ZNF276: variants seen among roughly 807,000 people sequenced by gnomAD.
ZNF276 encodes zinc finger protein 276.
ZNF276 carries 59 observed loss-of-function variants against 63.9 expected under a neutral mutation model. The observed-to-expected ratio is 0.92, with a 90% CI of 0.75 to 1.15. The LOEUF (loss-of-function observed/expected upper bound fraction) is 1.15. Among genes scored for constraint, ZNF276 ranks in the 50% most tolerant of loss-of-function variants. The pLI is 0.00. For synonymous variants in ZNF276, 496 were observed against 348.4 expected (o/e 1.42, Z -4.72); for missense variants, 1,084 against 843.8 (o/e 1.28, Z -3.53).
chr16:89,729,181 G>A, intron 5 of ZNF276, 54 bp from the exon 6 acceptor site: 2 of 1,501,730 alleles, frequency 1.3e-6, no homozygotes, highest in Non-Finnish European at 9.3e-7. Context: ...GTCGTGTTGG[G>A]TCTGTCACTG....
rs200564210 is a variant in ZNF276 at position 89,733,909 on chromosome 16, T to A, written c.1357-12T>A. ...GCGGCTCTGAGGGTCTCTCACCGAG[T>A]CTCTCCTTCAGAAGCACATCAAGGA... On this transcript the variant is annotated splice_polypyrimidine_tract_variant and intron_variant, in intron 8 of 10. Transcript: ENST00000443381. 1.2e-6 allele frequency: 2 copies of A among 1,611,708 alleles called. No homozygotes were observed. The highest frequency in any genetic ancestry group is 2.7e-5 in the African/African-American group (2 of 74,716).
At chr16:89,729,115 T>G in intron 5 of ZNF276, 120 bp from the exon 6 acceptor site, 1 of 812,184 alleles carries the variant, frequency 1.2e-6, no homozygotes. Flanking sequence ...TTAAGACATT[T>G]TCAGAAGAAC....
At position 89,739,417 on chromosome 16, in the gene ZNF276, T is replaced by G; in HGVS notation, c.*1171T>G. ...CTTCCCATCTGGCGGGACCCAGAGG[T>G]GCTGAGATGGGGGTCTGGGAAACAC... On this transcript the variant is annotated 3_prime_UTR_variant, in exon 11 of 11. Coordinates refer to ENST00000443381, the MANE Select transcript of ZNF276 (RefSeq NM_001113525.2). 3 of 1,554,878 alleles carry G rather than the reference T, an allele frequency of 1.9e-6. No homozygotes were observed. In the Admixed American group the frequency reaches 5.8e-5, roughly 30 times the overall value.
Position 89,729,238 on chromosome 16 carries a change from C to T in ZNF276, c.1089C>T (p.Asp363=), listed in dbSNP as rs377108755. 44 of 1,613,758 alleles carry T rather than the reference C, an allele frequency of 2.7e-5. No homozygotes were observed. Among genetic ancestry groups the T allele is most frequent in the Middle Eastern group, 1.6e-4 (1 of 6,084 alleles). The part of the protein sequence containing the change: ...KDEFSDLSEG[D]VLSEDENDKK... Reference sequence around the variant, plus strand: ...AAGATTCTCTCTTAATTCCTAGAGACGTCTTGAGTGAAGATGAAAATGACA... The same window carrying T: ...AAGATTCTCTCTTAATTCCTAGAGATGTCTTGAGTGAAGATGAAAATGACA... Residue 363 remains aspartate (D), a synonymous_variant, in exon 6 of 11, where the codon GAC becomes GAT. Coordinates refer to ENST00000443381, the MANE Select transcript of ZNF276 (RefSeq NM_001113525.2).
Position 89,739,102 on chromosome 16 carries a change from C to T in ZNF276, c.*856C>T. The stretch of plus-strand genomic sequence containing the variant: ...AGGAGCCTCCGGCTGGGGGGAGCTC[C>T]CCTGGAGGTGGGACTGGCCCTTGCA... On this transcript the variant is annotated 3_prime_UTR_variant, in exon 11 of 11. Transcript: ENST00000443381. The T allele has an allele frequency of 6.2e-7, 1 of 1,613,958 alleles. No homozygotes were observed. The highest frequency in any genetic ancestry group is 8.5e-7 in the Non-Finnish European group (1 of 1,179,932).
At chr16:89,730,472 G>A (rs572728755) in intron 6 of ZNF276, among the ~76,000 whole-genome samples, 12 of 152,270 alleles carry the variant, frequency 7.9e-5, no homozygotes, top group South Asian at 6.2e-4. Context: ...AGCCTTTTCC[G>A]GATCGAGGCA....
intron 9 of ZNF276, among the ~76,000 whole-genome samples, chr16:89,734,499 T>TA (rs1373433023): frequency 6.6e-6 from 1 of 152,110 alleles, no homozygotes; most frequent in African/African-American, 2.4e-5. Context: ...CTAATTTTTG[T>TA]AATTTTTGGT....
In ZNF276 at chr16:89,738,006, G is replaced by A. The variant is rs759685733; in HGVS notation, c.1605G>A (p.Gln535=). 1.9e-6 allele frequency: 3 copies of A among 1,614,168 alleles called. No individual in the cohort carries two copies. The Admixed American group carries it at 5.0e-5, about 27-fold the overall frequency. ...QCEVCGFQCR[Q]RASLKYHMTK... is the part of the protein sequence containing the mutation. The stretch of plus-strand genomic sequence containing the variant: ...AGGTCTGTGGGTTCCAGTGCAGGCA[G>A]CGGGCATCCCTCAAGTACCACATGA... The change falls in exon 11 of 11, where the codon CAG becomes CAA. Residue 535 remains glutamine, a synonymous_variant. Transcript: ENST00000443381.
In ZNF276 at chr16:89,733,957, C is replaced by T. The variant is rs764775504; in HGVS notation, c.1393C>T (p.Arg465Trp). ...IKEHHEEVRERPCPHPGCNKV... is the reference protein window; with the variant it reads ...IKEHHEEVREWPCPHPGCNKV... The stretch of plus-strand genomic sequence containing the variant: ...GGAGCACCACGAGGAGGTCCGGGAG[C>T]GGCCCTGCCCCCACCCTGGCTGCAA... Residue 465 changes from arginine to tryptophan, a missense_variant, in exon 9 of 11, where the codon CGG (arginine) becomes TGG (tryptophan). Arg to Trp is a moderately radical substitution (Grantham distance 101). Transcript: ENST00000443381. 19 of 1,613,968 alleles carry T rather than the reference C, an allele frequency of 1.2e-5. No individual in the cohort carries two copies. The highest frequency in any genetic ancestry group is 1.3e-5 in the Non-Finnish European group (15 of 1,179,994).
intron 5 of ZNF276, among the ~76,000 whole-genome samples, chr16:89,728,376 C>T (rs1238065056): frequency 6.6e-6 from 1 of 151,976 alleles, no homozygotes; most frequent in Non-Finnish European, 1.5e-5. Flanking sequence ...AGGCGCCCGC[C>T]ACCACACCCA....
At position 89,723,470 on chromosome 16, in the gene ZNF276, C is replaced by T. The variant is rs1470344815; in HGVS notation, c.767C>T (p.Ala256Val). 4 of 1,612,880 alleles carry T rather than the reference C, an allele frequency of 2.5e-6. No individual in the cohort carries two copies. Among genetic ancestry groups the T allele is most frequent in the East Asian group, 2.2e-5 (1 of 44,898 alleles). Residue 256 changes from alanine to valine, a missense_variant, in exon 4 of 11, where the codon GCG becomes GTG. By Grantham distance (64) the Ala-to-Val change is moderately conservative. Transcript: ENST00000443381. ...SSCKAFLLDS[A>V]LAVKWPWDKE... Reference sequence around the variant, plus strand: ...TGCAAGGCCTTCTTGCTGGACAGTGCGCTGGCAGTCAAGTGGCCATGGGAC... The same window carrying T: ...TGCAAGGCCTTCTTGCTGGACAGTGTGCTGGCAGTCAAGTGGCCATGGGAC...
chr16:89,738,360 T>G lies in ZNF276; in HGVS notation c.*114T>G. Reference sequence around the variant, plus strand: ...GTCGGAGGGTGCTGCCCGCCCTTGGTGCTGGAGGCGGGCTTGGTGTCCGGC... The same window carrying G: ...GTCGGAGGGTGCTGCCCGCCCTTGGGGCTGGAGGCGGGCTTGGTGTCCGGC... On this transcript the variant is annotated 3_prime_UTR_variant, in exon 11 of 11. Coordinates refer to ENST00000443381, the MANE Select transcript of ZNF276 (RefSeq NM_001113525.2). The G allele has an allele frequency of 6.8e-7, 1 of 1,461,818 alleles. No homozygotes were observed. Among genetic ancestry groups the G allele is most frequent in the Non-Finnish European group, 9.1e-7 (1 of 1,097,860 alleles). The allele number at this position is 1,461,818 out of a possible 1,614,324, so 90.6% of individuals were successfully genotyped here.
At position 89,727,546 on chromosome 16, in the gene ZNF276, G is replaced by A. The variant is rs182583096; in HGVS notation, c.1085+189G>A. Among the ~76,000 whole-genome samples, 184 of 152,274 alleles carry A rather than the reference G, an allele frequency of 1.2e-3. 1 individual carries two copies. The highest frequency in any genetic ancestry group is 4.2e-3 in the African/African-American group (173 of 41,546). ...AAGCCATCACAGGGGCCGGCTGTCC[G>A]TGCCCTGGTTGGGACACGCCTCCTC... On this transcript the variant is annotated intron_variant, in intron 5 of 10. Coordinates refer to ENST00000443381, the MANE Select transcript of ZNF276 (RefSeq NM_001113525.2).
Position 89,722,800 on chromosome 16 carries a change from G to C in ZNF276, c.475G>C (p.Ala159Pro). ...CAAGTCCTTCCTGCAGAGGGTCAAC[G>C]CCTCCCCGGCTGGTCGCCGGAAGCC... ...LLKSFLQRVN[A>P]SPAGRRKPCA... Residue 159 changes from alanine (A) to proline (P), a missense_variant, in exon 2 of 11, where the codon GCC becomes CCC. Coordinates refer to ENST00000443381, the MANE Select transcript of ZNF276 (RefSeq NM_001113525.2). The C allele has an allele frequency of 6.2e-7, 1 of 1,606,146 alleles. No homozygotes were observed. The highest frequency in any genetic ancestry group is 8.5e-7 in the Non-Finnish European group (1 of 1,179,934).
Position 89,722,755 on chromosome 16 carries a change from T to C in ZNF276, c.430T>C (p.Tyr144His). The change falls in exon 2 of 11, where the codon TAC (tyrosine) becomes CAC (histidine). Residue 144 changes from tyrosine to histidine, a missense_variant. Tyr to His is a moderately conservative substitution (Grantham distance 83, BLOSUM62 2). Coordinates refer to ENST00000443381, the MANE Select transcript of ZNF276 (RefSeq NM_001113525.2). ...FVCKSCHAQF[Y>H]QCHSLLKSFL... Reference sequence around the variant, plus strand: ...CTGCAAGAGCTGCCACGCCCAGTTCTACCAGTGCCACAGCCTTCTCAAGTC... The same window carrying C: ...CTGCAAGAGCTGCCACGCCCAGTTCCACCAGTGCCACAGCCTTCTCAAGTC... 6.2e-7 allele frequency: 1 copy of C among 1,611,320 alleles called. No individual in the cohort carries two copies. The highest frequency in any genetic ancestry group is 1.3e-5 in the African/African-American group (1 of 75,080).
Position 89,737,866 on chromosome 16 carries a change from T to C in ZNF276, c.1535T>C (p.Leu512Pro). The change falls in exon 10 of 11, where the codon CTC (leucine) becomes CCC (proline). Residue 512 changes from leucine to proline, a missense_variant. Physicochemically the swap from Leu to Pro is moderately conservative, Grantham distance 98. Transcript: ENST00000443381. ...ACCTTCAAGCAGCGGAAGCACCTTC[T>C]CGTCCACCAAATGCGACATTCGGGA... ...GQTFKQRKHL[L>P]VHQMRHSGAK... The C allele has an allele frequency of 6.2e-7, 1 of 1,614,196 alleles. No homozygotes were observed. Among genetic ancestry groups the C allele is most frequent in the Non-Finnish European group, 8.5e-7 (1 of 1,180,036 alleles).
At chr16:89,732,537 C>G (rs1459333621) in intron 6 of ZNF276, 1 of 157,752 alleles carries the variant, frequency 6.3e-6, no homozygotes, top group African/African-American at 2.4e-5. Flanking sequence ...CCTGTTCTGC[C>G]GTCCTGATAC....
Position 89,723,434 on chromosome 16 carries a change from C to T in ZNF276, c.731C>T (p.Thr244Ile). The stretch of plus-strand genomic sequence containing the variant: ...CAGGGCCACGACTACACCATGGATA[C>T]CAGCTCCAGCTGCAAGGCCTTCTTG... ...CDQGHDYTMD[T>I]SSSCKAFLLD... The change falls in exon 4 of 11, where the codon ACC (threonine) becomes ATC (isoleucine). Residue 244 changes from threonine to isoleucine, a missense_variant. By Grantham distance (89) the Thr-to-Ile change is moderately conservative (BLOSUM62 -1). Coordinates refer to ENST00000443381, the MANE Select transcript of ZNF276 (RefSeq NM_001113525.2). 6.2e-7 allele frequency: 1 copy of T among 1,613,098 alleles called. No individual in the cohort carries two copies. The highest frequency in any genetic ancestry group is 1.1e-5 in the South Asian group (1 of 91,090).
At chr16:89,720,571 G>C, upstream of ZNF276, 1 of 1,196,472 alleles carries the variant, frequency 8.4e-7, no homozygotes, top group Non-Finnish European at 1.0e-6. Context: ...CGCAGGATCT[G>C]AGCTGTCCAA....
Sources: allele counts gnomAD v4.1 joint callset (sites outside exome capture counted in the v4.1 genomes callset), GRCh38; gene constraint gnomAD v4.1.1; transcripts MANE v1.5; gene names NCBI Gene and HGNC (gene_info 2026-07-23, HGNC 2026-07-21).